The following RAD54L2 variants were observed in gnomAD, a reference collection of about 807,000 sequenced individuals.
The protein encoded by RAD54L2 is RAD54 like 2, also known as helicase ARIP4.
RAD54L2 carries 27 observed loss-of-function variants against 138.4 expected under a neutral mutation model. The observed-to-expected ratio is 0.20, with a 90% CI of 0.14 to 0.27. The LOEUF is 0.27. RAD54L2 is among the 10% of genes least tolerant of loss of function. RAD54L2 has a pLI of 1.00. For synonymous variants in RAD54L2, 644 were observed against 723.2 expected (o/e 0.89, Z 1.76); for missense variants, 1,396 against 1,890.2 (o/e 0.74, Z 4.85).
Position 51,637,778 on chromosome 3 carries a change from C to A in RAD54L2, c.1682+275C>A, listed in dbSNP as rs763631564. Among the ~76,000 whole-genome samples the A allele has an allele frequency of 3.3e-4, 50 of 152,218 alleles. No homozygotes were observed. Among genetic ancestry groups the A allele is most frequent in the South Asian group, 8.3e-4 (4 of 4,832 alleles). ...TGCTGAGAGAAGCAAGAAAAAGGTA[C>A]CATTCTGCTGACTTACCTTAGGCTA... On this transcript the variant is annotated intron_variant, in intron 11 of 22. Transcript: ENST00000684192. This position sits in a 1 kb window ranked among gnomAD's most constrained non-coding sequence, Gnocchi z 5.9.
intron 3 of RAD54L2, among the ~76,000 whole-genome samples, chr3:51,600,966 A>AAAAAAC (rs547676988): frequency 2.6e-5 from 4 of 152,158 alleles, no homozygotes; most frequent in Non-Finnish European, 5.9e-5. Context: ...CTCCATCTCA[A>AAAAAAC]AAAAACAAAA....
chr3:51,648,499 G>A (rs1485841863), intron 19 of RAD54L2, among the ~76,000 whole-genome samples: 1 of 152,240 alleles, frequency 6.6e-6, no homozygotes, highest in African/African-American at 2.4e-5. Context: ...GCCTCCTCAA[G>A]TGGGTCCCTG....
Position 51,663,141 on chromosome 3 carries a change from G to A in RAD54L2, c.4125G>A (p.Val1375=). ...CCTCCTTCATGCTCAACCCTTCTGT[G>A]CCAGGGATACTACCCAGCTATTCAC... ...SNPSFMLNPS[V]PGILPSYSLP... Residue 1375 remains valine (V), a synonymous_variant, in exon 23 of 23, where the codon GTG becomes GTA. Coordinates refer to ENST00000684192, the MANE Select transcript of RAD54L2 (RefSeq NM_015106.4). 6.2e-6 allele frequency: 10 copies of A among 1,613,910 alleles called. No homozygotes were observed. In the African/African-American group the frequency reaches 8.0e-5, roughly 13 times the overall value.
In RAD54L2 at chr3:51,663,127, C is replaced by G; in HGVS notation, c.4111C>G (p.Leu1371Val). ...SVTASNPSFMLNPSVPGILPS... is the reference protein window; with the variant it reads ...SVTASNPSFMVNPSVPGILPS... ...CACTGCCAGCAACCCCTCCTTCATG[C>G]TCAACCCTTCTGTGCCAGGGATACT... Residue 1371 changes from leucine (L) to valine (V), a missense_variant, in exon 23 of 23, where the codon CTC (leucine) becomes GTC (valine). By Grantham distance (32) the Leu-to-Val change is conservative (BLOSUM62 1). Transcript: ENST00000684192. 6.2e-7 allele frequency: 1 copy of G among 1,614,010 alleles called. No individual in the cohort carries two copies. The highest frequency in any genetic ancestry group is 8.5e-7 in the Non-Finnish European group (1 of 1,179,882).
chr3:51,662,278 A>G lies in RAD54L2; in HGVS notation c.3410-148A>G. On this transcript the variant is annotated intron_variant, in intron 22 of 22. Coordinates refer to ENST00000684192, the MANE Select transcript of RAD54L2 (RefSeq NM_015106.4). The surrounding 1 kb of genome is among the most constrained non-coding windows in gnomAD (Gnocchi z 4.6). ...ATCAAAGAATTTCTTTGTGACTGGA[A>G]AAGGTTGACTGGGTGATGTTGTTCA... 1 of 657,336 alleles carries G rather than the reference A, an allele frequency of 1.5e-6. No homozygotes were observed. Among genetic ancestry groups the G allele is most frequent in the East Asian group, 3.3e-5 (1 of 30,450 alleles). The allele number at this position is 657,336 out of a possible 1,614,324, so 40.7% of individuals were successfully genotyped here.
intron 19 of RAD54L2, among the ~76,000 whole-genome samples, chr3:51,647,415 C>T (rs1701308917): frequency 6.6e-6 from 1 of 152,124 alleles, no homozygotes; most frequent in South Asian, 2.1e-4. Flanking sequence ...CGCCTGTAAT[C>T]CCAGCAATTT....
intron 22 of RAD54L2, among the ~76,000 whole-genome samples, chr3:51,660,322 T>G (rs565165798): frequency 6.6e-6 from 1 of 152,240 alleles, no homozygotes; most frequent in East Asian, 1.9e-4. Context: ...GTTTATTTTT[T>G]GTTTGAGACA....
chr3:51,559,827 A>C (rs1361948002), intron 2 of RAD54L2, among the ~76,000 whole-genome samples: 1 of 152,230 alleles, frequency 6.6e-6, no homozygotes, highest in Non-Finnish European at 1.5e-5. Context: ...TCTGTATGAG[A>C]GCCAACGTAC....
intron 3 of RAD54L2, among the ~76,000 whole-genome samples, chr3:51,621,590 G>T (rs763146534): frequency 7.9e-5 from 12 of 152,202 alleles, no homozygotes; most frequent in Non-Finnish European, 1.6e-4. Flanking sequence ...TTGGCAAAAA[G>T]TTCCCCCCTG....
rs566607043 is a variant in RAD54L2, at chr3:51,571,337, C to T, written c.-54-19030C>T. 2.6e-5 allele frequency among the ~76,000 whole-genome samples: 4 copies of T among 151,056 alleles called. No homozygotes were observed. In the East Asian group the frequency reaches 7.8e-4, roughly 29 times the overall value. On this transcript the variant is annotated intron_variant, in intron 2 of 22. Coordinates refer to ENST00000684192, the MANE Select transcript of RAD54L2 (RefSeq NM_015106.4). ...GTATGAATTATTTTGGTCTTTGTAC[C>T]TCCCATTTTGGTGTCTAATGAAATT...
At chr3:51,590,628 C>T (rs945337608) in intron 3 of RAD54L2, 69 bp downstream of exon 3, 113 of 1,550,180 alleles carry the variant, frequency 7.3e-5, no homozygotes, top group South Asian at 2.7e-4. Context: ...TGCTGGGAGA[C>T]CTTGGCGTTT....
intron 3 of RAD54L2, among the ~76,000 whole-genome samples, chr3:51,590,971 A>G (rs1480779198): frequency 3.3e-5 from 5 of 152,130 alleles, no homozygotes; most frequent in African/African-American, 7.2e-5. Flanking sequence ...TATACATACA[A>G]TTGTGCTTGT....
intron 7 of RAD54L2, among the ~76,000 whole-genome samples, chr3:51,631,324 A>G (rs1700836065): frequency 6.6e-6 from 1 of 151,922 alleles, no homozygotes; most frequent in South Asian, 2.1e-4. Context: ...GGTATGAGGG[A>G]GTAGAGTAGT....
At chr3:51,550,505 G>A (rs1184094043) in intron 2 of RAD54L2, among the ~76,000 whole-genome samples, 4 of 152,078 alleles carry the variant, frequency 2.6e-5, no homozygotes. Context: ...TTTAATGCCT[G>A]TAATCCCAAC....
At chr3:51,565,635 G>T (rs1699197998) in intron 2 of RAD54L2, among the ~76,000 whole-genome samples, 1 of 151,952 alleles carries the variant, frequency 6.6e-6, no homozygotes. Context: ...ACCATGCCAG[G>T]CTAATTTTTG....
At chr3:51,563,454 ATTGGTTCTCATCCATCCCATCTACTTTT>A (rs1270963265) in intron 2 of RAD54L2, among the ~76,000 whole-genome samples, 1 of 152,052 alleles carries the variant, frequency 6.6e-6, no homozygotes, top group East Asian at 1.9e-4. Context: ...CTTTCCAAGT[ATTGGTTCTCATCCATCCCATCTACTTTT>A]TCTCTGAAGC....
At chr3:51,589,409 A>C (rs1699786322) in intron 2 of RAD54L2, among the ~76,000 whole-genome samples, 1 of 152,086 alleles carries the variant, frequency 6.6e-6, no homozygotes, top group Non-Finnish European at 1.5e-5. Flanking sequence ...CCTTGTCTAA[A>C]AATAAATAAA....
intron 3 of RAD54L2, among the ~76,000 whole-genome samples, chr3:51,592,842 T>A (rs1035742446): frequency 6.6e-6 from 1 of 152,184 alleles, no homozygotes; most frequent in Non-Finnish European, 1.5e-5. Context: ...CCCAAAGTGC[T>A]GGGATTACAG....
intron 3 of RAD54L2, among the ~76,000 whole-genome samples, chr3:51,615,774 G>T (rs1700431134): frequency 6.6e-6 from 1 of 152,154 alleles, no homozygotes; most frequent in South Asian, 2.1e-4. Context: ...CTTCTGAGGA[G>T]GCAGCATTTG....
Sources: allele counts gnomAD v4.1 joint callset (sites outside exome capture counted in the v4.1 genomes callset), GRCh38; gene constraint gnomAD v4.1.1; non-coding constraint Gnocchi (gnomAD v3.1); transcripts MANE v1.5; gene names NCBI Gene and HGNC (gene_info 2026-07-23, HGNC 2026-07-21).